The following ARHGEF4 variants were observed in gnomAD, a reference collection of about 807,000 sequenced individuals.
ARHGEF4 encodes the protein Rho guanine nucleotide exchange factor 4.
A neutral mutation model predicts 162.0 loss-of-function variants in ARHGEF4; 119 were observed. The observed-to-expected ratio is 0.73, with a 90% CI of 0.63 to 0.86. ARHGEF4 has a LOEUF of 0.86. Ranked by LOEUF, ARHGEF4 falls within the 40% of genes least tolerant of loss-of-function variation. The pLI is 0.00. For missense variants in ARHGEF4, 2,488 were observed against 2,456.0 expected, an observed-to-expected ratio of 1.01 and a Z score of -0.28; for synonymous variants, 1,014 against 979.9, an observed-to-expected ratio of 1.03 and a Z score of -0.65.
chr2:130,889,267 A>G (rs1304540285), intron 1 of ARHGEF4, among the ~76,000 whole-genome samples: 1 of 152,044 alleles, frequency 6.6e-6, no homozygotes, highest in Non-Finnish European at 1.5e-5. Flanking sequence ...TTAACCTCAG[A>G]CTTTTACTGA....
intron 11 of ARHGEF4, 91 bp downstream of exon 11, chr2:131,043,674 C>A (rs754571256): frequency 7.6e-6 from 12 of 1,577,280 alleles, no homozygotes; most frequent in African/African-American, 1.3e-5. Flanking sequence ...AAGACAGGTG[C>A]CAGCCAGACC....
intron 4 of ARHGEF4, among the ~76,000 whole-genome samples, chr2:131,003,260 C>G (rs563807724): frequency 4.6e-5 from 7 of 152,206 alleles, no homozygotes; most frequent in Non-Finnish European, 1.0e-4. Context: ...GACACACCCC[C>G]TCTGCACCTC....
chr2:130,980,678 T>A (rs1686062750), intron 4 of ARHGEF4, among the ~76,000 whole-genome samples: 1 of 152,234 alleles, frequency 6.6e-6, no homozygotes, highest in Non-Finnish European at 1.5e-5. Context: ...CTCAAATCTG[T>A]AAACCAGTGC....
intron 1 of ARHGEF4, among the ~76,000 whole-genome samples, chr2:130,846,921 G>T (rs1283491496): frequency 6.6e-6 from 1 of 152,206 alleles, no homozygotes; most frequent in Non-Finnish European, 1.5e-5. Context: ...GAGAATCAGG[G>T]CCTGCCGGAT....
intron 4 of ARHGEF4, among the ~76,000 whole-genome samples, chr2:130,967,606 G>T (rs777603517): frequency 3.9e-4 from 60 of 152,214 alleles, no homozygotes; most frequent in Non-Finnish European, 2.5e-4. Flanking sequence ...GGCCTCTCCT[G>T]CAGCCACACA....
At chr2:130,899,608 C>G (rs1680369971) in intron 1 of ARHGEF4, among the ~76,000 whole-genome samples, 1 of 152,200 alleles carries the variant, frequency 6.6e-6, no homozygotes, top group South Asian at 2.1e-4. Context: ...GCCAAAGACT[C>G]TAAGCAGGTG....
chr2:131,017,405 C>A (rs896502597), intron 4 of ARHGEF4, among the ~76,000 whole-genome samples: 14 of 152,186 alleles, frequency 9.2e-5, no homozygotes, highest in African/African-American at 3.4e-4. Context: ...CAGGAAACAC[C>A]TCCTCAATCC....
chr2:131,044,670 G>A, intron 12 of ARHGEF4, 128 bp downstream of exon 12: 3 of 1,268,326 alleles, frequency 2.4e-6, no homozygotes, highest in South Asian at 1.5e-5. Flanking sequence ...AAGGCTCCAG[G>A]CACCTCTAGG....
At chr2:130,936,400 T>G (rs1406047299) in intron 3 of ARHGEF4, among the ~76,000 whole-genome samples, 2 of 152,208 alleles carry the variant, frequency 1.3e-5, no homozygotes, top group African/African-American at 4.8e-5. Context: ...TTTTAATCAA[T>G]CTATAATGTA....
chr2:130,898,138 C>T (rs1005564817), intron 1 of ARHGEF4, among the ~76,000 whole-genome samples: 7 of 152,252 alleles, frequency 4.6e-5, no homozygotes, highest in African/African-American at 1.7e-4. Context: ...CACATTTCCT[C>T]CCTGTGCCTT....
intron 2 of ARHGEF4, 45 bp downstream of exon 2, chr2:130,917,543 A>C (rs1282432217): frequency 6.7e-7 from 1 of 1,499,992 alleles, no homozygotes; most frequent in African/African-American, 1.4e-5. Flanking sequence ...CTCTGCAGGC[A>C]AGAGAAGGAG....
rs1045324093 is a variant in ARHGEF4, at chr2:130,881,974, A to C, written c.40-32012A>C. On this transcript the variant is annotated intron_variant, in intron 1 of 13. Coordinates refer to ENST00000409359, the MANE Select transcript of ARHGEF4 (RefSeq NM_001367493.1). ...AGAGCCTCAGGCAGCGCTTGGGGTA[A>C]TCAAGAGGGGCTGGGGTGCAGCAGT... Among the ~76,000 whole-genome samples the C allele has an allele frequency of 2.0e-5, 3 of 152,036 alleles. 1 individual carries two copies. The highest frequency in any genetic ancestry group is 7.3e-5 in the African/African-American group (3 of 41,314).
chr2:130,928,915 A>G (rs776652964), intron 2 of ARHGEF4, among the ~76,000 whole-genome samples: 2 of 152,024 alleles, frequency 1.3e-5, no homozygotes, highest in Non-Finnish European at 1.5e-5. Context: ...TCTCTATTCT[A>G]TCTGTCTGTC....
chr2:130,896,012 G>A (rs574345503), intron 1 of ARHGEF4, among the ~76,000 whole-genome samples: 2 of 152,216 alleles, frequency 1.3e-5, no homozygotes, highest in South Asian at 2.1e-4. Context: ...GGTGTGATGT[G>A]GGGGTTTTGG....
chr2:130,923,514 A>C (rs1682022718), intron 2 of ARHGEF4, among the ~76,000 whole-genome samples: 2 of 152,344 alleles, frequency 1.3e-5, no homozygotes, highest in Non-Finnish European at 2.9e-5. Flanking sequence ...TCAAGTCGAT[A>C]AACTGAGCTC....
chr2:130,975,112 G>A (rs1285602542), intron 4 of ARHGEF4, among the ~76,000 whole-genome samples: 1 of 152,196 alleles, frequency 6.6e-6, no homozygotes, highest in African/African-American at 2.4e-5. Context: ...TCTGAGGGCC[G>A]CAGTCCAGGA....
At chr2:130,905,187 C>T (rs1356955717) in intron 1 of ARHGEF4, among the ~76,000 whole-genome samples, 2 of 152,154 alleles carry the variant, frequency 1.3e-5, no homozygotes, top group Non-Finnish European at 2.9e-5. Context: ...ATCGCACATT[C>T]TCTATTTTCT....
rs1048455193 is a variant in ARHGEF4, at chr2:130,993,042, T to C, written c.3986-34903T>C. Among the ~76,000 whole-genome samples the C allele has an allele frequency of 2.6e-5, 4 of 152,164 alleles. No individual in the cohort carries two copies. In the South Asian group the frequency reaches 8.3e-4, roughly 31 times the overall value. On this transcript the variant is annotated intron_variant, in intron 4 of 13. Coordinates refer to ENST00000409359, the MANE Select transcript of ARHGEF4 (RefSeq NM_001367493.1). ...GAGGTTGCAGTGAGCTGAGATAGCGTCAGTGCACTCCAGTCTGGGCAACAG... is the reference window on the plus strand; with the variant it reads ...GAGGTTGCAGTGAGCTGAGATAGCGCCAGTGCACTCCAGTCTGGGCAACAG...
intron 1 of ARHGEF4, among the ~76,000 whole-genome samples, chr2:130,856,803 T>TAA (rs140947078): frequency 2.6e-5 from 4 of 151,238 alleles, no homozygotes; most frequent in Admixed American, 2.0e-4. Flanking sequence ...TAAAGTATAT[T>TAA]AAAAAAAAAG....
Sources: gnomAD v4.1 joint callset for allele counts (sites outside exome capture counted in the v4.1 genomes callset) on GRCh38, gnomAD v4.1.1 for gene constraint, MANE v1.5 for transcripts, NCBI Gene and HGNC (gene_info 2026-07-23, HGNC 2026-07-21) for gene names.